ARMC8: variants seen among roughly 807,000 people sequenced by gnomAD.
The protein encoded by ARMC8 is armadillo repeat containing 8.
Under a neutral mutation model 99.3 loss-of-function variants are expected in ARMC8, and 20 were observed. The observed-to-expected ratio is 0.20, with a 90% CI of 0.14 to 0.29. The LOEUF (loss-of-function observed/expected upper bound fraction) is 0.29, where lower values mean the gene tolerates loss of function less well. Ranked by LOEUF, ARMC8 falls within the 10% of genes least tolerant of loss-of-function variation. The pLI is 1.00. For missense variants in ARMC8, 569 were observed against 809.5 expected (o/e 0.70, Z 3.60); for synonymous variants, 263 against 278.3 (o/e 0.95, Z 0.55).
chr3:138,274,337 A>C, intron 17 of ARMC8, 112 bp from the exon 18 acceptor site: 1 of 687,184 alleles, frequency 1.5e-6, no homozygotes, highest in Non-Finnish European at 2.5e-6. Flanking sequence ...TATATGCTAT[A>C]GTGTTTTGCA....
intron 2 of ARMC8, among the ~76,000 whole-genome samples, chr3:138,215,643 A>G (rs1045304438): frequency 1.1e-4 from 16 of 152,112 alleles, no homozygotes; most frequent in African/African-American, 3.6e-4. Context: ...CTACCAAAAT[A>G]TTTTGGTAGA....
chr3:138,192,823 C>T (rs1450977538), intron 1 of ARMC8, among the ~76,000 whole-genome samples: 1 of 152,152 alleles, frequency 6.6e-6, no homozygotes, highest in African/African-American at 2.4e-5. Context: ...GTGTGAGCCA[C>T]TGCACCTGGC....
At chr3:138,266,763 C>T (rs2048323254) in intron 14 of ARMC8, among the ~76,000 whole-genome samples, 1 of 152,172 alleles carries the variant, frequency 6.6e-6, no homozygotes, top group African/African-American at 2.4e-5. Flanking sequence ...TCTAAGGACA[C>T]ATCAGAAAGT....
At chr3:138,250,097 G>A (rs1163691605) in intron 12 of ARMC8, among the ~76,000 whole-genome samples, 2 of 152,082 alleles carry the variant, frequency 1.3e-5, no homozygotes, top group African/African-American at 4.8e-5. Context: ...AGCGAAGAGT[G>A]AGATTAAAAA....
Position 138,249,706 on chromosome 3 carries a change from T to A in ARMC8, c.1134+4523T>A, listed in dbSNP as rs115912544. On this transcript the variant is annotated intron_variant, in intron 12 of 21. Coordinates refer to ENST00000469044, the MANE Select transcript of ARMC8 (RefSeq NM_001363941.2). ...TCAATTCTGCATAGACTGATTGAAC[T>A]ACCTGCATTGTATAATATTGCCCAC... is the stretch of plus-strand genomic sequence containing the variant. Among the ~76,000 whole-genome samples, 1,382 of 152,264 alleles carry A rather than the reference T, an allele frequency of 9.1e-3. 27 individuals carry two copies. Among genetic ancestry groups the A allele is most frequent in the African/African-American group, 0.032 (1,321 of 41,550 alleles).
intron 1 of ARMC8, chr3:138,188,186 G>T (rs2043181329): frequency 6.3e-6 from 2 of 317,086 alleles, no homozygotes; most frequent in South Asian, 4.6e-5. Flanking sequence ...AGTGTGTGTG[G>T]TTTTTTAAGC....
intron 20 of ARMC8, 106 bp downstream of exon 20, chr3:138,289,226 G>C (rs2050717836): frequency 1.2e-6 from 1 of 869,000 alleles, no homozygotes; most frequent in Admixed American, 2.3e-5. Context: ...TCTGTTCTTG[G>C]ACCATCTGGC....
At chr3:138,239,341 T>C (rs573360434) in intron 9 of ARMC8, 127 bp from the exon 10 acceptor site, 310 of 632,620 alleles carry the variant, frequency 4.9e-4, no homozygotes, top group Admixed American at 2.4e-3. Flanking sequence ...ATTGTCAAAA[T>C]CTTCACTCTC....
chr3:138,216,791 C>T (rs2045070524), intron 2 of ARMC8, among the ~76,000 whole-genome samples: 1 of 152,084 alleles, frequency 6.6e-6, no homozygotes, highest in Non-Finnish European at 1.5e-5. Context: ...CTACTTCATA[C>T]TAATTAGACC....
intron 2 of ARMC8, among the ~76,000 whole-genome samples, chr3:138,213,208 G>A (rs1157387545): frequency 6.6e-6 from 1 of 152,208 alleles, no homozygotes; most frequent in East Asian, 1.9e-4. Context: ...TAATCTACTA[G>A]CTGAGTTAGA....
chr3:138,292,054 C>G (rs913903530), intron 21 of ARMC8, among the ~76,000 whole-genome samples: 1 of 151,174 alleles, frequency 6.6e-6, no homozygotes, highest in Non-Finnish European at 1.5e-5. Flanking sequence ...TCTTTTCTTT[C>G]GAGATGGAGT....
intron 2 of ARMC8, among the ~76,000 whole-genome samples, chr3:138,216,610 T>C (rs2045058174): frequency 6.6e-6 from 1 of 152,254 alleles, no homozygotes; most frequent in South Asian, 2.1e-4. Flanking sequence ...TTTGTGATTC[T>C]CACAGTCCAA....
chr3:138,200,821 T>A (rs1262388565), intron 1 of ARMC8, among the ~76,000 whole-genome samples: 1 of 152,092 alleles, frequency 6.6e-6, no homozygotes, highest in Non-Finnish European at 1.5e-5. Flanking sequence ...GTCTAGCCCT[T>A]AATATAATGA....
chr3:138,286,641 A>G (rs1006855340), intron 19 of ARMC8, among the ~76,000 whole-genome samples: 2 of 152,122 alleles, frequency 1.3e-5, no homozygotes, highest in African/African-American at 2.4e-5. Context: ...CTCCCTCCCA[A>G]GATTCTTATT....
chr3:138,283,200 A>T (rs2050106379), intron 18 of ARMC8, among the ~76,000 whole-genome samples: 1 of 152,244 alleles, frequency 6.6e-6, no homozygotes, highest in African/African-American at 2.4e-5. Context: ...GCAGTGTGTT[A>T]ATCTAGGAGA....
intron 12 of ARMC8, chr3:138,262,442 A>T: frequency 1.5e-6 from 2 of 1,359,832 alleles, no homozygotes; most frequent in Non-Finnish European, 2.0e-6. Flanking sequence ...GATCATTGTT[A>T]ATTTCAACAA....
intron 5 of ARMC8, among the ~76,000 whole-genome samples, chr3:138,227,496 A>G (rs2045755233): frequency 6.6e-6 from 1 of 152,146 alleles, no homozygotes; most frequent in African/African-American, 2.4e-5. Flanking sequence ...GAAGTTTTCT[A>G]AGTTTTCCAT....
intron 2 of ARMC8, among the ~76,000 whole-genome samples, chr3:138,212,453 G>A (rs186255150): frequency 2.0e-5 from 3 of 151,958 alleles, no homozygotes; most frequent in Admixed American, 1.3e-4. Flanking sequence ...GGGATTACAG[G>A]CGCCCACCAC....
At chr3:138,232,769 C>T (rs1221736737) in intron 6 of ARMC8, among the ~76,000 whole-genome samples, 4 of 152,150 alleles carry the variant, frequency 2.6e-5, no homozygotes, top group South Asian at 2.1e-4. Context: ...AATATATTTA[C>T]GTATCTGCTG....
Sources: allele counts gnomAD v4.1 joint callset (sites outside exome capture counted in the v4.1 genomes callset), GRCh38; gene constraint gnomAD v4.1.1; transcripts MANE v1.5; gene names NCBI Gene and HGNC (gene_info 2026-07-23, HGNC 2026-07-21).